CEACAM5: variants seen among roughly 807,000 people sequenced by gnomAD.
The protein encoded by CEACAM5 is cell adhesion molecule CEACAM5.
In CEACAM5, 52 loss-of-function variants were observed where a neutral mutation model predicts 63.0. The ratio of observed to expected loss-of-function variants is 0.83; its 90% confidence interval spans 0.66 to 1.04. The LOEUF (loss-of-function observed/expected upper bound fraction) is 1.04. CEACAM5 is among the 50% of genes least tolerant of loss of function. CEACAM5 has a pLI of 0.00. For synonymous variants in CEACAM5, 357 were observed against 351.3 expected, an observed-to-expected ratio of 1.02 and a Z score of -0.18; for missense variants, 790 against 864.8, an observed-to-expected ratio of 0.91 and a Z score of 1.08.
rs1555814881 is a variant in CEACAM5, at chr19:41,715,645, T to C, written c.704-5T>C. The C allele has an allele frequency of 6.2e-7, 1 of 1,614,114 alleles. No homozygotes were observed. The highest frequency in any genetic ancestry group is 8.5e-7 in the Non-Finnish European group (1 of 1,180,000). ...TCACCTGTGGCTTTATTTTGTTTGC[T>C]CCAGATGGCCCGGATGCCCCCACCA... On this transcript the variant is annotated splice_region_variant and splice_polypyrimidine_tract_variant and intron_variant, in intron 3 of 9. Transcript: ENST00000221992.
chr19:41,715,077 G>A lies in CEACAM5; in HGVS notation c.531G>A (p.Leu177=), dbSNP rs1388967555. ...CEPETQDATY[L]WWVNNQSLPV... ...CTGAGACTCAGGACGCAACCTACCTGTGGTGGGTAAACAATCAGAGCCTCC... is the reference window on the plus strand; with the variant it reads ...CTGAGACTCAGGACGCAACCTACCTATGGTGGGTAAACAATCAGAGCCTCC... The change falls in exon 3 of 10, where the codon CTG becomes CTA. Residue 177 remains leucine (L), a synonymous_variant. Coordinates refer to ENST00000221992, the MANE Select transcript of CEACAM5 (RefSeq NM_004363.6). The A allele has an allele frequency of 2.5e-6, 4 of 1,614,076 alleles. No homozygotes were observed. Among genetic ancestry groups the A allele is most frequent in the African/African-American group, 2.7e-5 (2 of 74,918 alleles).
At chr19:41,709,595 G>A (rs1555813521) in intron 1 of CEACAM5, 85 bp from the exon 2 acceptor site, 10 of 1,536,520 alleles carry the variant, frequency 6.5e-6, no homozygotes, top group Non-Finnish European at 8.7e-6. Context: ...GGGGGATGAA[G>A]AGACCTGCTC....
At chr19:41,718,727 T>C (rs1555815585) in intron 6 of CEACAM5, among the ~76,000 whole-genome samples, 1 of 152,230 alleles carries the variant, frequency 6.6e-6, no homozygotes, top group East Asian at 1.9e-4. Context: ...CTGACACCAC[T>C]TTGTGTTCTT....
At position 41,715,833 on chromosome 19, in the gene CEACAM5, C is replaced by G. The variant is rs1555814962; in HGVS notation, c.887C>G (p.Ser296Cys). ...AACATCACTGTGAATAATAGTGGATCCTATACGTGCCAAGCCCATAACTCA... is the reference window on the plus strand; with the variant it reads ...AACATCACTGTGAATAATAGTGGATGCTATACGTGCCAAGCCCATAACTCA... ...IPNITVNNSG[S>C]YTCQAHNSDT... The change falls in exon 4 of 10, where the codon TCC becomes TGC. Residue 296 changes from serine to cysteine, a missense_variant. Coordinates refer to ENST00000221992, the MANE Select transcript of CEACAM5 (RefSeq NM_004363.6). The G allele has an allele frequency of 1.2e-6, 2 of 1,614,030 alleles. No homozygotes were observed. The highest frequency in any genetic ancestry group is 1.7e-6 in the Non-Finnish European group (2 of 1,180,002).
chr19:41,722,335 G>A lies in CEACAM5; in HGVS notation c.2026+1159G>A, dbSNP rs142807254. Among the ~76,000 whole-genome samples the A allele has an allele frequency of 4.8e-3, 673 of 140,944 alleles. 4 individuals carry two copies. Among genetic ancestry groups the A allele is most frequent in the African/African-American group, 0.016 (600 of 37,346 alleles). The allele number at this position is 140,944 out of a possible 152,430, so 92.5% of individuals were successfully genotyped here. On this transcript the variant is annotated intron_variant, in intron 8 of 9. Coordinates refer to ENST00000221992, the MANE Select transcript of CEACAM5 (RefSeq NM_004363.6). Reference sequence around the variant, plus strand: ...GCCGAGATTGAGCCACTGCACTCCAGCCTGGGTGACAGAGTGAGACTACAT... The same window carrying A: ...GCCGAGATTGAGCCACTGCACTCCAACCTGGGTGACAGAGTGAGACTACAT...
At chr19:41,718,507 C>G (rs2072565262) in intron 6 of CEACAM5, 125 bp downstream of exon 6, 1 of 936,658 alleles carries the variant, frequency 1.1e-6, no homozygotes, top group African/African-American at 1.6e-5. Context: ...ATCCCAAATT[C>G]AATCCTGAGC....
At position 41,718,385 on chromosome 19, in the gene CEACAM5, A is replaced by T. The variant is rs148576651; in HGVS notation, c.1492+3A>T. 6.2e-7 allele frequency: 1 copy of T among 1,614,016 alleles called. No individual in the cohort carries two copies. Among genetic ancestry groups the T allele is most frequent in the African/African-American group, 1.3e-5 (1 of 75,054 alleles). On this transcript the variant is annotated splice_donor_region_variant and intron_variant, in intron 6 of 9. Transcript: ENST00000221992. ...AGTCAAGACAATCACAGTCTCTGGTAAGTGGATCCCTGGACCGTTAGCAAT... is the reference window on the plus strand; with the variant it reads ...AGTCAAGACAATCACAGTCTCTGGTTAGTGGATCCCTGGACCGTTAGCAAT...
chr19:41,714,972 G>A lies in CEACAM5; in HGVS notation c.426G>A (p.Pro142=), dbSNP rs782357168. 35 of 1,614,038 alleles carry A rather than the reference G, an allele frequency of 2.2e-5. No individual in the cohort carries two copies. Among genetic ancestry groups the A allele is most frequent in the Non-Finnish European group, 2.6e-5 (31 of 1,180,044 alleles). Residue 142 remains proline (P), a splice_region_variant and synonymous_variant, in exon 3 of 10, where the codon CCG becomes CCA. Coordinates refer to ENST00000221992, the MANE Select transcript of CEACAM5 (RefSeq NM_004363.6). ...ATCTTCTCTCTGTTATCTGCACAGC[G>A]GAGCTGCCCAAGCCCTCCATCTCCA... ...EEATGQFRVY[P]ELPKPSISSN... is the part of the protein sequence containing the mutation.
intron 4 of CEACAM5, 92 bp downstream of exon 4, chr19:41,715,996 C>A (rs532378277): frequency 6.8e-7 from 1 of 1,478,906 alleles, no homozygotes; most frequent in Non-Finnish European, 9.3e-7. Context: ...TCTATCCCAG[C>A]CTGTGTCCAG....
chr19:41,714,915 C>T, intron 2 of CEACAM5, 56 bp from the exon 3 acceptor site: 1 of 1,609,934 alleles, frequency 6.2e-7, no homozygotes, highest in South Asian at 1.1e-5. Flanking sequence ...TTGAAAGATG[C>T]CTGTGAGGAA....
At chr19:41,717,984 C>G (rs1172145911) in intron 5 of CEACAM5, 144 bp from the exon 6 acceptor site, 2 of 1,049,894 alleles carry the variant, frequency 1.9e-6, no homozygotes, top group Non-Finnish European at 2.8e-6. Flanking sequence ...GTCTCAGACT[C>G]TGGCTAATTG....
Position 41,708,745 on chromosome 19 carries a change from C to T in CEACAM5, c.14C>T (p.Ser5Leu), listed in dbSNP as rs201518445. Reference protein sequence around the residue: MESPSAPPHRWCIPW... With the variant: MESPLAPPHRWCIPW... ...ACAGCAGAGACCATGGAGTCTCCCTCGGCCCCTCCCCACAGATGGTGCATC... is the reference window on the plus strand; with the variant it reads ...ACAGCAGAGACCATGGAGTCTCCCTTGGCCCCTCCCCACAGATGGTGCATC... The change falls in exon 1 of 10, where the codon TCG (serine) becomes TTG (leucine). Residue 5 changes from serine to leucine, a missense_variant. By Grantham distance (145) the Ser-to-Leu change is moderately radical (BLOSUM62 -2). Transcript: ENST00000221992. 24 of 1,611,072 alleles carry T rather than the reference C, an allele frequency of 1.5e-5. No homozygotes were observed. Among genetic ancestry groups the T allele is most frequent in the East Asian group, 4.5e-5 (2 of 44,736 alleles).
At position 41,720,089 on chromosome 19, in the gene CEACAM5, A is replaced by G. The variant is rs781818940; in HGVS notation, c.1652A>G (p.Asn551Ser). The G allele has an allele frequency of 3.7e-6, 6 of 1,614,272 alleles. No individual in the cohort carries two copies. The highest frequency in any genetic ancestry group is 5.1e-6 in the Non-Finnish European group (6 of 1,180,054). ...GTCAGTCCCAGGCTGCAGCTGTCCA[A>G]TGGCAACAGGACCCTCACTCTATTC... Reference protein sequence around the residue: ...LPVSPRLQLSNGNRTLTLFNV... With the variant: ...LPVSPRLQLSSGNRTLTLFNV... The change falls in exon 7 of 10, where the codon AAT becomes AGT. Residue 551 changes from asparagine (N) to serine (S), a missense_variant. Transcript: ENST00000221992.
At chr19:41,726,188 G>A (rs1555817080) in intron 8 of CEACAM5, among the ~76,000 whole-genome samples, 2 of 152,162 alleles carry the variant, frequency 1.3e-5, no homozygotes, top group African/African-American at 2.4e-5. Flanking sequence ...GTTATTATTA[G>A]CTTGAAGTTA....
At chr19:41,725,536 GT>G (rs1453618773) in intron 8 of CEACAM5, among the ~76,000 whole-genome samples, 7 of 151,954 alleles carry the variant, frequency 4.6e-5, no homozygotes, top group East Asian at 1.9e-4. Flanking sequence ...AGCCTGGATA[GT>G]TTTTTAAAGA....
chr19:41,714,451 A>G (rs782764966), intron 2 of CEACAM5, among the ~76,000 whole-genome samples: 1 of 152,102 alleles, frequency 6.6e-6, no homozygotes, highest in Non-Finnish European at 1.5e-5. Flanking sequence ...TGTTATTTCT[A>G]CTGAAACATC....
chr19:41,730,281 G>A lies in CEACAM5; in HGVS notation c.*1134G>A, dbSNP rs915044679. Among the ~76,000 whole-genome samples the A allele has an allele frequency of 6.6e-6, 1 of 152,082 alleles. No individual in the cohort carries two copies. The highest frequency in any genetic ancestry group is 1.5e-5 in the Non-Finnish European group (1 of 68,000). On this transcript the variant is annotated 3_prime_UTR_variant, in exon 10 of 10. Coordinates refer to ENST00000221992, the MANE Select transcript of CEACAM5 (RefSeq NM_004363.6). Reference sequence around the variant, plus strand: ...TAAAAATACAAAAAAAGTTAGCCGGGCGTGGTGGTGGGGGCCTGTAGTCCC... The same window carrying A: ...TAAAAATACAAAAAAAGTTAGCCGGACGTGGTGGTGGGGGCCTGTAGTCCC...
chr19:41,722,891 T>G (rs184983637), intron 8 of CEACAM5, among the ~76,000 whole-genome samples: 222 of 151,838 alleles, frequency 1.5e-3, no homozygotes, highest in African/African-American at 4.4e-3. Context: ...TAATTCTTTT[T>G]TTTGTTTGTT....
intron 8 of CEACAM5, among the ~76,000 whole-genome samples, chr19:41,722,296 G>A (rs1415158444): frequency 6.8e-6 from 1 of 146,006 alleles, no homozygotes; most frequent in Admixed American, 7.1e-5. Context: ...CCTGGGCGGT[G>A]TAGTTTGCAG....
Sources: gnomAD v4.1 joint callset for allele counts (sites outside exome capture counted in the v4.1 genomes callset) on GRCh38, gnomAD v4.1.1 for gene constraint, MANE v1.5 for transcripts, NCBI Gene and HGNC (gene_info 2026-07-23, HGNC 2026-07-21) for gene names.